The following GRK5 variants were observed in gnomAD, a reference collection of about 807,000 sequenced individuals.
GRK5 encodes g protein-coupled receptor kinase GRK5.
In GRK5, 40 loss-of-function variants were observed where a neutral mutation model predicts 78.4. That is an observed-to-expected ratio of 0.51 (90% CI 0.40 to 0.66). The LOEUF (loss-of-function observed/expected upper bound fraction) is 0.66. GRK5 is among the 30% of genes least tolerant of loss of function. The pLI, the probability that GRK5 is intolerant of heterozygous loss-of-function variation, is 0.00. For synonymous variants in GRK5, 289 were observed against 296.8 expected, an observed-to-expected ratio of 0.97 and a Z score of 0.27; for missense variants, 598 against 759.9, an observed-to-expected ratio of 0.79 and a Z score of 2.50.
At chr10:119,266,221 C>T (rs760929342) in intron 1 of GRK5, among the ~76,000 whole-genome samples, 1 of 152,086 alleles carries the variant, frequency 6.6e-6, no homozygotes, top group Admixed American at 6.5e-5. Context: ...TTTGGGAGGC[C>T]GAGGTGGGCA....
intron 1 of GRK5, among the ~76,000 whole-genome samples, chr10:119,254,528 G>A (rs538072953): frequency 1.3e-5 from 2 of 152,226 alleles, no homozygotes; most frequent in South Asian, 2.1e-4. Context: ...CATGGGATTT[G>A]TAGCGGGTGT....
At chr10:119,313,804 C>T (rs763654124) in intron 1 of GRK5, among the ~76,000 whole-genome samples, 5 of 152,176 alleles carry the variant, frequency 3.3e-5, no homozygotes, top group African/African-American at 9.7e-5. Context: ...ATCCCCATGG[C>T]GACCAGTTAC....
intron 2 of GRK5, among the ~76,000 whole-genome samples, chr10:119,352,116 C>T (rs1462510118): frequency 6.6e-6 from 1 of 152,142 alleles, no homozygotes; most frequent in Non-Finnish European, 1.5e-5. Flanking sequence ...TAATTATTGG[C>T]TGGATGGTTT....
At chr10:119,273,381 G>T (rs1018036914) in intron 1 of GRK5, among the ~76,000 whole-genome samples, 5 of 152,152 alleles carry the variant, frequency 3.3e-5, no homozygotes, top group African/African-American at 1.2e-4. Context: ...CCCTGCCTTG[G>T]GATAGCAGGT....
At chr10:119,216,095 TAGAA>T (rs921336814) in intron 1 of GRK5, among the ~76,000 whole-genome samples, 3 of 152,354 alleles carry the variant, frequency 2.0e-5, no homozygotes, top group East Asian at 1.9e-4. Context: ...AGAGCACACT[TAGAA>T]AGAAAGTGTT....
intron 2 of GRK5, among the ~76,000 whole-genome samples, chr10:119,338,677 C>A (rs1312250336): frequency 6.6e-6 from 1 of 152,184 alleles, no homozygotes; most frequent in African/African-American, 2.4e-5. Flanking sequence ...ACATACTGGG[C>A]CATTGGGAGC....
In GRK5 at chr10:119,452,929, A is replaced by C; in HGVS notation, c.1542+121A>C. On this transcript the variant is annotated intron_variant, in intron 14 of 15. Coordinates refer to ENST00000392870, the MANE Select transcript of GRK5 (RefSeq NM_005308.3). This position sits in a 1 kb window ranked among gnomAD's most constrained non-coding sequence, Gnocchi z 4.4. The stretch of plus-strand genomic sequence containing the variant: ...TGAGCGCATGGTTTCTGTTTTCTCC[A>C]TGAAGGCAGCACACAAAAGCTGTCA... 1.6e-6 allele frequency: 2 copies of C among 1,236,234 alleles called. No homozygotes were observed. Among genetic ancestry groups the C allele is most frequent in the Non-Finnish European group, 2.3e-6 (2 of 867,072 alleles). 76.6% of individuals were successfully genotyped at this position (1,236,234 alleles called of 1,614,324 possible). A position where few individuals can be genotyped will look rare whatever the true frequency, so the allele number is the denominator to read the frequency against.
intron 1 of GRK5, among the ~76,000 whole-genome samples, chr10:119,212,171 A>G (rs1320848927): frequency 1.3e-5 from 2 of 151,400 alleles, no homozygotes; most frequent in African/African-American, 4.9e-5. Context: ...TTTTTTTTTA[A>G]AGTTTCCTTT....
chr10:119,437,530 A>T (rs1852946602), intron 9 of GRK5, among the ~76,000 whole-genome samples: 1 of 152,228 alleles, frequency 6.6e-6, no homozygotes, highest in Admixed American at 6.5e-5. Flanking sequence ...GAAATTGAAC[A>T]GTTACATTAC....
chr10:119,383,239 T>C (rs1851742135), intron 3 of GRK5, among the ~76,000 whole-genome samples: 2 of 152,214 alleles, frequency 1.3e-5, no homozygotes, highest in Admixed American at 1.3e-4. Context: ...TTATATTTCT[T>C]ATACGTTGCT....
intron 2 of GRK5, among the ~76,000 whole-genome samples, chr10:119,370,753 G>A (rs891774505): frequency 1.3e-5 from 2 of 152,132 alleles, no homozygotes; most frequent in Non-Finnish European, 2.9e-5. Context: ...TTTCAAACCT[G>A]AAATACGGCA....
intron 1 of GRK5, among the ~76,000 whole-genome samples, chr10:119,246,049 A>G (rs1202122293): frequency 6.6e-6 from 1 of 150,902 alleles, no homozygotes. Context: ...AAAAAAAGAA[A>G]AAAAGATAAA....
chr10:119,345,081 G>T (rs999143416), intron 2 of GRK5, among the ~76,000 whole-genome samples: 1 of 151,940 alleles, frequency 6.6e-6, no homozygotes, highest in African/African-American at 2.4e-5. Flanking sequence ...CAATTCTCCT[G>T]CCTCAGCCTC....
chr10:119,359,168 A>G (rs914940824), intron 2 of GRK5, among the ~76,000 whole-genome samples: 1 of 152,146 alleles, frequency 6.6e-6, no homozygotes. Context: ...CAGAGGAGCC[A>G]TTTGGAGAGA....
rs1851667952 is a variant in GRK5 at position 119,378,844 on chromosome 10, C to T, written c.149-1971C>T. On this transcript the variant is annotated intron_variant, in intron 2 of 15. Coordinates refer to ENST00000392870, the MANE Select transcript of GRK5 (RefSeq NM_005308.3). This position sits in a 1 kb window ranked among gnomAD's most constrained non-coding sequence, Gnocchi z 4.5. ...GGCCCCCACGGATCACAGGCCCTGA[C>T]CTGATTGGCTAGAACTGAGGCATGG... 1.3e-5 allele frequency among the ~76,000 whole-genome samples: 2 copies of T among 152,250 alleles called. No homozygotes were observed. The highest frequency in any genetic ancestry group is 2.9e-5 in the Non-Finnish European group (2 of 68,044).
chr10:119,302,912 AGGTAGTGCTGGTGATGCT>A (rs1850208001), intron 1 of GRK5, among the ~76,000 whole-genome samples: 1 of 152,150 alleles, frequency 6.6e-6, no homozygotes, highest in Non-Finnish European at 1.5e-5. Flanking sequence ...ACTGGGGCAA[AGGTAGTGCTGGTGATGCT>A]GGTGACAGCA....
At chr10:119,335,177 CCCCTCT>C (rs1850858916) in intron 2 of GRK5, among the ~76,000 whole-genome samples, 2 of 35,830 alleles carry the variant, frequency 5.6e-5, no homozygotes, top group South Asian at 9.3e-4. Flanking sequence ...TCTCTCTCTC[CCCCTCT>C]CCCTCTCCCC....
chr10:119,380,894 G>A lies in GRK5; in HGVS notation c.228G>A (p.Gly76=). 1 of 1,613,288 alleles carries A rather than the reference G, an allele frequency of 6.2e-7. No homozygotes were observed. Among genetic ancestry groups the A allele is most frequent in the Non-Finnish European group, 8.5e-7 (1 of 1,179,212 alleles). ...GGCAGTTTTGTGAAACCAGGCCTGGGCTGGAGTGTTACATTCAGTTCCTGG... is the reference window on the plus strand; with the variant it reads ...GGCAGTTTTGTGAAACCAGGCCTGGACTGGAGTGTTACATTCAGTTCCTGG... ...LFRQFCETRP[G]LECYIQFLDS... is the part of the protein sequence containing the mutation. The change falls in exon 3 of 16, where the codon GGG becomes GGA. Residue 76 remains glycine (G), a synonymous_variant. Coordinates refer to ENST00000392870, the MANE Select transcript of GRK5 (RefSeq NM_005308.3).
intron 4 of GRK5, among the ~76,000 whole-genome samples, chr10:119,410,474 G>A (rs1244105120): frequency 6.6e-6 from 1 of 152,146 alleles, no homozygotes; most frequent in Non-Finnish European, 1.5e-5. Context: ...TTTCTACTTT[G>A]TTGGCCCAGA....
Sources: allele counts gnomAD v4.1 joint callset (sites outside exome capture counted in the v4.1 genomes callset), GRCh38; gene constraint gnomAD v4.1.1; non-coding constraint Gnocchi (gnomAD v3.1); transcripts MANE v1.5; gene names NCBI Gene and HGNC (gene_info 2026-07-23, HGNC 2026-07-21).